The following FGF13 variants were observed in gnomAD, a reference collection of about 807,000 sequenced individuals.
FGF13 encodes fibroblast growth factor homologous factor 2.
In FGF13, 2 loss-of-function variants were observed where a neutral mutation model predicts 19.5. That is an observed-to-expected ratio of 0.10 (90% confidence interval 0.04 to 0.32). The LOEUF (loss-of-function observed/expected upper bound fraction) is 0.32, where lower values mean the gene tolerates loss of function less well. Among genes scored for constraint, FGF13 ranks in the 10% least tolerant of loss-of-function variants. The pLI is 1.00. For missense variants in FGF13, 113 were observed against 192.7 expected, an observed-to-expected ratio of 0.59 and a Z score of 2.45; for synonymous variants, 72 against 76.9, an observed-to-expected ratio of 0.94 and a Z score of 0.33.
intron 1 of FGF13, among the ~76,000 whole-genome samples, chrX:138,956,615 A>G (rs984576621): frequency 1.2e-4 from 13 of 111,155 alleles, no homozygotes; most frequent in African/African-American, 3.9e-4. Flanking sequence ...ATAAAGAAAT[A>G]CAGGAATTAG....
intron 1 of FGF13, among the ~76,000 whole-genome samples, chrX:139,152,301 G>A (rs73568116): frequency 0.014 from 1,311 of 93,532 alleles, 19 homozygotes; most frequent in African/African-American, 0.049. Flanking sequence ...GGCGATTACC[G>A]ATGTGATTAA....
At chrX:139,078,017 C>T (rs1159199455) in intron 1 of FGF13, among the ~76,000 whole-genome samples, 1 of 111,448 alleles carries the variant, frequency 9.0e-6, no homozygotes, top group African/African-American at 3.3e-5. Flanking sequence ...ATTCAAGCAA[C>T]ATCTCCAGAG....
intron 1 of FGF13, among the ~76,000 whole-genome samples, chrX:138,912,934 G>A (rs772831284): frequency 2.7e-5 from 3 of 110,976 alleles, no homozygotes; most frequent in South Asian, 3.9e-4. Context: ...CTATTTGCAC[G>A]CAGTGTTTGG....
At chrX:138,667,314 G>T (rs1211669000) in intron 3 of FGF13, among the ~76,000 whole-genome samples, 3 of 108,533 alleles carry the variant, frequency 2.8e-5, no homozygotes, top group East Asian at 2.9e-4. Context: ...GAGAGAGAGA[G>T]ATATACACGA....
intron 1 of FGF13, among the ~76,000 whole-genome samples, chrX:138,882,987 G>A (rs2091435243): frequency 9.0e-6 from 1 of 111,306 alleles, no homozygotes; most frequent in African/African-American, 3.3e-5. Flanking sequence ...GATAGTGGCA[G>A]CCACCACTGG....
At chrX:139,009,673 C>A (rs2092119709) in intron 1 of FGF13, among the ~76,000 whole-genome samples, 1 of 111,272 alleles carries the variant, frequency 9.0e-6, no homozygotes, top group Admixed American at 9.6e-5. Flanking sequence ...TGAAACAAAT[C>A]CTCAAAAAAC....
chrX:138,793,340 A>G (rs767645773), intron 3 of FGF13, among the ~76,000 whole-genome samples: 1 of 111,604 alleles, frequency 9.0e-6, no homozygotes, highest in Non-Finnish European at 1.9e-5. Context: ...AGGTACCTTC[A>G]TTTCTAGATA....
Position 138,886,714 on chromosome X carries a change from T to TCAAGTA in FGF13, c.-112-22065_-112-22064insTACTTG, listed in dbSNP as rs936841496. 2.7e-5 allele frequency among the ~76,000 whole-genome samples: 3 copies of TCAAGTA among 112,150 alleles called. No homozygotes were observed. In the Admixed American group the frequency reaches 2.8e-4, roughly 11 times the overall value. ...TAATACACATGGTTTGAGGTAAATC[T>TCAAGTA]GGCCTCTCAGTAGGCCTCTAAAATT... On this transcript the variant is annotated intron_variant, in intron 1 of 2. Transcript: ENST00000421460.
chrX:139,088,662 C>T (rs1230748690), intron 1 of FGF13, among the ~76,000 whole-genome samples: 1 of 111,596 alleles, frequency 9.0e-6, no homozygotes, highest in Non-Finnish European at 1.9e-5. Context: ...TCACAATCTC[C>T]AATTCAGGGA....
At chrX:139,048,563 G>GTTTT (rs754951194) in intron 1 of FGF13, among the ~76,000 whole-genome samples, 1,439 of 88,636 alleles carry the variant, frequency 0.016, 44 homozygotes, top group African/African-American at 0.056. Context: ...TACAGCTCTT[G>GTTTT]TTTTTTTTTT....
intron 1 of FGF13, among the ~76,000 whole-genome samples, chrX:139,151,195 G>C (rs1212243288): frequency 9.0e-6 from 1 of 111,252 alleles, no homozygotes; most frequent in African/African-American, 3.3e-5. Flanking sequence ...AATTTCTCCT[G>C]TTGTGTTTTC....
At chrX:138,718,297 C>G (rs778667731) in intron 1 of FGF13, among the ~76,000 whole-genome samples, 95 of 112,097 alleles carry the variant, frequency 8.5e-4, no homozygotes, top group Admixed American at 1.6e-3. Context: ...GGGTTCATTT[C>G]TTGCCCAGTG....
chrX:138,851,879 C>G (rs1334444591), intron 3 of FGF13, among the ~76,000 whole-genome samples: 3 of 111,636 alleles, frequency 2.7e-5, no homozygotes, highest in African/African-American at 9.8e-5. Flanking sequence ...GTCTCAGGAT[C>G]CAAAGTCAAT....
chrX:138,976,325 G>A (rs938971765), intron 1 of FGF13, among the ~76,000 whole-genome samples: 1 of 111,792 alleles, frequency 8.9e-6, no homozygotes, highest in African/African-American at 3.3e-5. Flanking sequence ...AGTGGATAAA[G>A]AAAATGTAGT....
chrX:138,824,311 C>A (rs919164294), intron 3 of FGF13, among the ~76,000 whole-genome samples: 8 of 111,492 alleles, frequency 7.2e-5, no homozygotes, highest in African/African-American at 2.6e-4. Flanking sequence ...TCAGATGGGG[C>A]AAAGGCTTGA....
intron 1 of FGF13, among the ~76,000 whole-genome samples, chrX:139,166,809 T>TAGACTAAGAC (rs2084090612): frequency 8.9e-6 from 1 of 111,816 alleles, no homozygotes; most frequent in Non-Finnish European, 1.9e-5. Flanking sequence ...TCACACAAAA[T>TAGACTAAGAC]AGACTAAGAC....
chrX:138,864,077 C>T (rs767941327), intron 2 of FGF13, among the ~76,000 whole-genome samples: 56 of 111,935 alleles, frequency 5.0e-4, no homozygotes, highest in Non-Finnish European at 9.6e-4. Flanking sequence ...AAAATGCCTC[C>T]GGACATTGTC....
intron 3 of FGF13, among the ~76,000 whole-genome samples, chrX:138,698,932 C>A (rs1229554217): frequency 9.0e-6 from 1 of 111,678 alleles, no homozygotes; most frequent in Non-Finnish European, 1.9e-5. Context: ...GGCTGCGTTC[C>A]AATAAAACTT....
intron 3 of FGF13, among the ~76,000 whole-genome samples, chrX:138,827,001 T>C (rs2091038912): frequency 1.8e-5 from 2 of 112,564 alleles, no homozygotes; most frequent in Non-Finnish European, 3.8e-5. Flanking sequence ...GGAGCATTTA[T>C]GGCACATAGC....
Sources: allele counts gnomAD v4.1 joint callset (sites outside exome capture counted in the v4.1 genomes callset), GRCh38; gene constraint gnomAD v4.1.1; transcripts MANE v1.5; gene names NCBI Gene and HGNC (gene_info 2026-07-23, HGNC 2026-07-21).